NSD2: variants seen among roughly 807,000 people sequenced by gnomAD.
NSD2 encodes the protein nuclear receptor binding SET domain protein 2.
NSD2 carries 12 observed loss-of-function variants against 139.0 expected under a neutral mutation model. The observed-to-expected ratio is 0.09, with a 90% CI of 0.06 to 0.14. The LOEUF is 0.14. NSD2 is among the 10% of genes least tolerant of loss of function. NSD2 has a pLI of 1.00. For synonymous variants in NSD2, 669 were observed against 648.7 expected (o/e 1.03, Z -0.48); for missense variants, 1,155 against 1,745.0 (o/e 0.66, Z 6.02).
At chr4:1,975,536 G>T in intron 20 of NSD2, 136 bp downstream of exon 20, 2 of 703,776 alleles carry the variant, frequency 2.8e-6, no homozygotes, top group African/African-American at 3.6e-5. Context: ...GTTCCCTGCT[G>T]TGGGCTGGGG....
chr4:1,896,060 G>T (rs1355006771), intron 1 of NSD2, among the ~76,000 whole-genome samples: 1 of 152,252 alleles, frequency 6.6e-6, no homozygotes, highest in East Asian at 1.9e-4. Context: ...ATGGAGTGAG[G>T]ATGAGTGGTA....
At chr4:1,900,510 T>C in intron 1 of NSD2, 116 bp from the exon 2 acceptor site, 2 of 607,370 alleles carry the variant, frequency 3.3e-6, no homozygotes, top group Non-Finnish European at 5.3e-6. Flanking sequence ...AAAAACATCA[T>C]AAATTGCTTA....
rs753865108 is a variant in NSD2 at position 1,972,552 on chromosome 4, C to T, written c.3373-2311C>T. Among the ~76,000 whole-genome samples the T allele has an allele frequency of 3.3e-5, 5 of 152,162 alleles. No individual in the cohort carries two copies. Among genetic ancestry groups the T allele is most frequent in the Non-Finnish European group, 5.9e-5 (4 of 68,028 alleles). ...GACTCCAGCGGGGCCCAAACCCAGG[C>T]GGATGGCCAGGGGGAGTGGGGCCAA... is the stretch of plus-strand genomic sequence containing the variant. On this transcript the variant is annotated intron_variant, in intron 18 of 21. Transcript: ENST00000508803. The surrounding 1 kb of genome is among the most constrained non-coding windows in gnomAD (Gnocchi z 4.0).
At chr4:1,917,655 T>C (rs1456663576) in intron 4 of NSD2, among the ~76,000 whole-genome samples, 1 of 152,144 alleles carries the variant, frequency 6.6e-6, no homozygotes, top group Non-Finnish European at 1.5e-5. Flanking sequence ...CAGACTGGTC[T>C]TGGACTCCTG....
intron 5 of NSD2, among the ~76,000 whole-genome samples, chr4:1,930,421 A>G (rs1475551752): frequency 1.3e-5 from 2 of 152,202 alleles, no homozygotes; most frequent in East Asian, 1.9e-4. Flanking sequence ...CACTGGCACT[A>G]TTCTAATTTA....
intron 6 of NSD2, among the ~76,000 whole-genome samples, chr4:1,934,908 T>TATAA (rs1223710483): frequency 2.4e-4 from 19 of 79,064 alleles, no homozygotes; most frequent in South Asian, 4.3e-4. Flanking sequence ...TATATATATA[T>TATAA]AAAAAACAGA....
intron 1 of NSD2, among the ~76,000 whole-genome samples, chr4:1,898,949 C>T (rs746862738): frequency 2.0e-5 from 3 of 152,156 alleles, no homozygotes; most frequent in African/African-American, 7.2e-5. Flanking sequence ...TCCATTTTCT[C>T]TCTGCTTTTG....
intron 1 of NSD2, among the ~76,000 whole-genome samples, chr4:1,883,173 T>C (rs926091146): frequency 3.3e-5 from 5 of 152,206 alleles, no homozygotes; most frequent in Middle Eastern, 3.2e-3. Flanking sequence ...TGCCATTTAC[T>C]GTCCAGATAG....
At chr4:1,953,794 T>A (rs1724528710) in intron 12 of NSD2, among the ~76,000 whole-genome samples, 1 of 142,980 alleles carries the variant, frequency 7.0e-6, no homozygotes, top group Non-Finnish European at 1.6e-5. Flanking sequence ...TTACCCTGGC[T>A]TTTTTTTTTT....
At chr4:1,940,869 A>G (rs1723021215) in intron 9 of NSD2, 29 of 1,057,548 alleles carry the variant, frequency 2.7e-5, no homozygotes, top group Non-Finnish European at 2.6e-5. Flanking sequence ...GGCGGGGCTC[A>G]TAGAGCTCTG....
chr4:1,893,180 C>G (rs190226548), intron 1 of NSD2, among the ~76,000 whole-genome samples: 78 of 152,242 alleles, frequency 5.1e-4, no homozygotes, highest in Middle Eastern at 3.4e-3. Context: ...ATATTAAACT[C>G]TCAGGCCAGG....
Position 1,958,061 on chromosome 4 carries a change from G to A in NSD2, c.2985+25G>A, listed in dbSNP as rs1343942617. 11 of 1,605,198 alleles carry A rather than the reference G, an allele frequency of 6.9e-6. No individual in the cohort carries two copies. The highest frequency in any genetic ancestry group is 2.2e-5 in the East Asian group (1 of 44,716). On this transcript the variant is annotated intron_variant, in intron 16 of 21. Transcript: ENST00000508803. The surrounding 1 kb of genome is among the most constrained non-coding windows in gnomAD (Gnocchi z 4.6). ...GGTGGCGTGTGGGAGCTGCGTGCAC[G>A]CGTGTGGAGGGAGTCTTCCCCGAGG...
rs1352348277 is a variant in NSD2, at chr4:1,901,194, G to T, written c.540G>T (p.Glu180Asp). ...GCATAAAATATGACTCCTTGCTGGA[G>T]CAGGGCCTTGTCGAAGCAGCTCTTG... Reference protein sequence around the residue: ...KRSIKYDSLLEQGLVEAALVS... With the variant: ...KRSIKYDSLLDQGLVEAALVS... The change falls in exon 2 of 22, where the codon GAG (glutamate) becomes GAT (aspartate). Residue 180 changes from glutamate (E) to aspartate (D), a missense_variant. Glu to Asp is a conservative substitution (Grantham distance 45). Coordinates refer to ENST00000508803, the MANE Select transcript of NSD2 (RefSeq NM_001042424.3). 1 of 1,608,198 alleles carries T rather than the reference G, an allele frequency of 6.2e-7. No individual in the cohort carries two copies. Among genetic ancestry groups the T allele is most frequent in the Admixed American group, 1.7e-5 (1 of 58,610 alleles).
chr4:1,931,277 C>T (rs1388826629), intron 6 of NSD2, among the ~76,000 whole-genome samples: 4 of 152,132 alleles, frequency 2.6e-5, no homozygotes, highest in Admixed American at 2.6e-4. Flanking sequence ...GCTCATAGGG[C>T]AAGAAGGGTG....
intron 5 of NSD2, among the ~76,000 whole-genome samples, chr4:1,923,215 A>G (rs1038173388): frequency 6.7e-6 from 1 of 150,190 alleles, no homozygotes; most frequent in Non-Finnish European, 1.5e-5. Flanking sequence ...TAGGCCAGGC[A>G]TGGTGACTCA....
chr4:1,915,857 G>GC, intron 3 of NSD2, among the ~76,000 whole-genome samples: 1 of 152,118 alleles, frequency 6.6e-6, no homozygotes, highest in East Asian at 1.9e-4. Flanking sequence ...AGTGGTAACT[G>GC]CCCCCACCCT....
chr4:1,951,191 G>A lies in NSD2; in HGVS notation c.2001G>A (p.Glu667=), dbSNP rs780944205. 1 of 1,614,176 alleles carries A rather than the reference G, an allele frequency of 6.2e-7. No individual in the cohort carries two copies. The highest frequency in any genetic ancestry group is 1.1e-5 in the South Asian group (1 of 91,090). ...AGCGAGGAGTGACTGCCAAAAAGGA[G>A]TATGTGTGCCAGGTGAGGAGAAGGC... The part of the protein sequence containing the change: ...KSERGVTAKK[E]YVCQLCEKPG... Residue 667 remains glutamate (E), a synonymous_variant, in exon 10 of 22, where the codon GAG becomes GAA. Coordinates refer to ENST00000508803, the MANE Select transcript of NSD2 (RefSeq NM_001042424.3).
chr4:1,930,821 G>C, intron 6 of NSD2, 51 bp downstream of exon 6: 1 of 1,554,816 alleles, frequency 6.4e-7, no homozygotes, highest in East Asian at 2.3e-5. Flanking sequence ...TGTGTGTAGT[G>C]TAGCAAGCTG....
chr4:1,946,304 G>A, intron 9 of NSD2: 1 of 844,134 alleles, frequency 1.2e-6, no homozygotes, highest in South Asian at 5.5e-5. Context: ...CACCCTGTTG[G>A]CCAGGCTGGA....
Sources: allele counts gnomAD v4.1 joint callset (sites outside exome capture counted in the v4.1 genomes callset), GRCh38; gene constraint gnomAD v4.1.1; non-coding constraint Gnocchi (gnomAD v3.1); transcripts MANE v1.5; gene names NCBI Gene and HGNC (gene_info 2026-07-23, HGNC 2026-07-21).